Variants in FKBP10 observed in about 807,000 individuals in gnomAD.
FKBP10 encodes FKBP prolyl isomerase 10.
Under a neutral mutation model 53.7 loss-of-function variants are expected in FKBP10, and 34 were observed. The ratio of observed to expected loss-of-function variants is 0.63; its 90% CI spans 0.48 to 0.84. FKBP10 has a LOEUF of 0.84. Among genes scored for constraint, FKBP10 ranks in the 40% least tolerant of loss-of-function variants. FKBP10 has a pLI of 0.00. For missense variants in FKBP10, 748 were observed against 797.8 expected, an observed-to-expected ratio of 0.94 and a Z score of 0.75; for synonymous variants, 324 against 335.7, an observed-to-expected ratio of 0.97 and a Z score of 0.38.
chr17:41,822,336 C>T lies in FKBP10; in HGVS notation c.1677C>T (p.Asp559=), dbSNP rs781785645. ...DMFQNQDRNQ[D]GKITVDELKL... ...TCCAGAACCAGGACCGCAACCAGGA[C>T]GGCAAGATCACAGTCGACGAGCTCA... is the stretch of plus-strand genomic sequence containing the variant. Residue 559 remains aspartate (D), a synonymous_variant, in exon 10 of 10, where the codon GAC becomes GAT. Coordinates refer to ENST00000321562, the MANE Select transcript of FKBP10 (RefSeq NM_021939.4). 2.2e-5 allele frequency: 36 copies of T among 1,613,556 alleles called. No individual in the cohort carries two copies. Among genetic ancestry groups the T allele is most frequent in the South Asian group, 4.4e-5 (4 of 90,940 alleles).
chr17:41,817,048 C>T lies in FKBP10; in HGVS notation c.246-10C>T, dbSNP rs781939779. ...AGGTCACTGTATCCCATCTGTCCCT[C>T]CCCCCCCAGCTATGATCGCAACACC... On this transcript the variant is annotated splice_polypyrimidine_tract_variant and intron_variant, in intron 1 of 9. Transcript: ENST00000321562. 9.3e-6 allele frequency: 15 copies of T among 1,611,528 alleles called. No individual in the cohort carries two copies. In the South Asian group the frequency reaches 1.6e-4, roughly 18 times the overall value.
At chr17:41,818,581 G>T in intron 4 of FKBP10, 54 bp downstream of exon 4, 1 of 1,609,670 alleles carries the variant, frequency 6.2e-7, no homozygotes, top group Non-Finnish European at 8.5e-7. Context: ...GAAAAACCAG[G>T]CCTCCACATA....
rs2047874717 is a variant in FKBP10 at position 41,820,341 on chromosome 17, T to C, written c.1136T>C (p.Val379Ala). 1.9e-6 allele frequency: 3 copies of C among 1,614,182 alleles called. No homozygotes were observed. Among genetic ancestry groups the C allele is most frequent in the Non-Finnish European group, 2.5e-6 (3 of 1,180,030 alleles). Residue 379 changes from valine to alanine, a missense_variant, in exon 7 of 10, where the codon GTG becomes GCG. By Grantham distance (64) the Val-to-Ala change is moderately conservative. Coordinates refer to ENST00000321562, the MANE Select transcript of FKBP10 (RefSeq NM_021939.4). ...ATTGACTTCCACAACCCTGCGGATG[T>C]GGTGGAAATCAGGACACTGTCCCGG... ...HVIDFHNPAD[V>A]VEIRTLSRPS...
rs397514674 is a variant in FKBP10, at chr17:41,817,149, G to A, written c.337G>A (p.Glu113Lys). ...DRGLMGMCVN[E>K]RRRLIVPPHL... ...AGGCCTCATGGGCATGTGTGTCAAC[G>A]AGCGGCGACGCCTCATTGTGCCTCC... The change falls in exon 2 of 10, where the codon GAG becomes AAG. Residue 113 changes from glutamate (E) to lysine (K), a missense_variant. Glu to Lys is a moderately conservative substitution (Grantham distance 56). Transcript: ENST00000321562. 15 of 1,613,956 alleles carry A rather than the reference G, an allele frequency of 9.3e-6. No homozygotes were observed. Among genetic ancestry groups the A allele is most frequent in the Admixed American group, 1.7e-5 (1 of 60,000 alleles).
chr17:41,819,400 G>A lies in FKBP10; in HGVS notation c.917+1G>A. Reference sequence around the variant, plus strand: ...TGGACGGCACCCTCTTCGATTCCAGGTCAGGAGGGTCTTGAGGTGGGAGGG... The same window carrying A: ...TGGACGGCACCCTCTTCGATTCCAGATCAGGAGGGTCTTGAGGTGGGAGGG... On this transcript the variant is annotated splice_donor_variant, in intron 5 of 9. Coordinates refer to ENST00000321562, the MANE Select transcript of FKBP10 (RefSeq NM_021939.4). LOFTEE classifies it high-confidence loss of function. The A allele has an allele frequency of 6.2e-7, 1 of 1,605,052 alleles. No homozygotes were observed. Among genetic ancestry groups the A allele is most frequent in the Non-Finnish European group, 8.5e-7 (1 of 1,172,190 alleles).
Position 41,820,929 on chromosome 17 carries a change from G to T in FKBP10, c.1257-18G>T. 6.2e-7 allele frequency: 1 copy of T among 1,609,874 alleles called. No homozygotes were observed. The highest frequency in any genetic ancestry group is 8.5e-7 in the Non-Finnish European group (1 of 1,178,624). On this transcript the variant is annotated intron_variant, in intron 7 of 9. Transcript: ENST00000321562. ...GGGGACAGGGTGGCTGCTGACCTGGGCATCTGCTCTCCCCCAGGCATGACT... is the reference window on the plus strand; with the variant it reads ...GGGGACAGGGTGGCTGCTGACCTGGTCATCTGCTCTCCCCCAGGCATGACT...
intron 4 of FKBP10, 90 bp downstream of exon 4, chr17:41,818,617 G>A (rs561941749): frequency 2.2e-5 from 34 of 1,533,014 alleles, no homozygotes; most frequent in Middle Eastern, 1.8e-4. Context: ...TATACTGCAC[G>A]AGGGCATCCA....
Position 41,822,205 on chromosome 17 carries a change from G to T in FKBP10, c.1564-18G>T. 6.2e-7 allele frequency: 1 copy of T among 1,607,986 alleles called. No homozygotes were observed. Among genetic ancestry groups the T allele is most frequent in the Non-Finnish European group, 8.5e-7 (1 of 1,177,004 alleles). ...CATGACCCTCACTGCCCGCTCCCCC[G>T]GCTCTCCCCTGCCCCAGTTCTCCAC... On this transcript the variant is annotated intron_variant, in intron 9 of 9. Coordinates refer to ENST00000321562, the MANE Select transcript of FKBP10 (RefSeq NM_021939.4).
chr17:41,820,254 C>T lies in FKBP10; in HGVS notation c.1064-15C>T, dbSNP rs374530707. The T allele has an allele frequency of 6.8e-6, 11 of 1,613,898 alleles. No individual in the cohort carries two copies. The African/African-American group carries it at 1.2e-4, about 18-fold the overall frequency. ...AGTGCTCTGAGCTGACCACACTCCCCCATTCTGGCCTCAGGAGACAAGATC... is the reference window on the plus strand; with the variant it reads ...AGTGCTCTGAGCTGACCACACTCCCTCATTCTGGCCTCAGGAGACAAGATC... On this transcript the variant is annotated splice_polypyrimidine_tract_variant and intron_variant, in intron 6 of 9. Transcript: ENST00000321562.
Position 41,818,543 on chromosome 17 carries a change from G to C in FKBP10, c.727+16G>C. The C allele has an allele frequency of 6.2e-7, 1 of 1,613,992 alleles. No homozygotes were observed. Among genetic ancestry groups the C allele is most frequent in the Non-Finnish European group, 8.5e-7 (1 of 1,180,004 alleles). ...AAAGGCTATGGTGAGGGTGGGCAAGGACACAAGGGGAAATTCCGCAGAAGA... is the reference window on the plus strand; with the variant it reads ...AAAGGCTATGGTGAGGGTGGGCAAGCACACAAGGGGAAATTCCGCAGAAGA... On this transcript the variant is annotated intron_variant, in intron 4 of 9. Coordinates refer to ENST00000321562, the MANE Select transcript of FKBP10 (RefSeq NM_021939.4).
chr17:41,818,697 G>A (rs1431315513), intron 4 of FKBP10, among the ~76,000 whole-genome samples, 170 bp downstream of exon 4: 1 of 151,754 alleles, frequency 6.6e-6, no homozygotes, highest in African/African-American at 2.4e-5. Flanking sequence ...GCCGGGCGTG[G>A]TGGCTCACGC....
intron 5 of FKBP10, 45 bp downstream of exon 5, chr17:41,819,444 T>C (rs782169289): frequency 1.2e-6 from 2 of 1,613,482 alleles, no homozygotes; most frequent in Middle Eastern, 1.6e-4. Flanking sequence ...GGGTGAAACG[T>C]GGACGAAGCT....
chr17:41,820,180 G>A (rs1555616786), intron 6 of FKBP10, 89 bp from the exon 7 acceptor site: 1 of 1,431,994 alleles, frequency 7.0e-7, no homozygotes, highest in African/African-American at 1.4e-5. Flanking sequence ...GTCGGGAAGG[G>A]GTATCAGGTC....
At position 41,819,587 on chromosome 17, in the gene FKBP10, GA is replaced by G. The variant is rs869025223; in HGVS notation, c.976del (p.Met326TrpfsTer39). On this transcript the variant is annotated frameshift_variant, in exon 6 of 10. Coordinates refer to ENST00000321562, the MANE Select transcript of FKBP10 (RefSeq NM_021939.4). LOFTEE classifies it high-confidence loss of function. The stretch of plus-strand genomic sequence containing the variant: ...TCGGGCAGGGTTACATCATCCCCGG[GA>G]TGGACCAGGGGCTGCAGGGTGCCTG... Reference protein sequence around the residue: ...YIGQGYIIPGMDQGLQGACMG... With the variant: ...YIGQGYIIPGXDQGLQGACMG... The G allele has an allele frequency of 1.2e-6, 2 of 1,614,066 alleles. No homozygotes were observed. The highest frequency in any genetic ancestry group is 1.7e-6 in the Non-Finnish European group (2 of 1,179,992).
At chr17:41,815,390 C>A (rs935075989) in intron 1 of FKBP10, among the ~76,000 whole-genome samples, 4 of 152,056 alleles carry the variant, frequency 2.6e-5, no homozygotes, top group African/African-American at 4.8e-5. Context: ...AACTTCTGAG[C>A]TCAGGCAATC....
intron 1 of FKBP10, among the ~76,000 whole-genome samples, chr17:41,814,384 A>G (rs1555615839): frequency 6.6e-6 from 1 of 152,168 alleles, no homozygotes; most frequent in South Asian, 2.1e-4. Context: ...CCTACTTGCT[A>G]AGGCTGATGT....
intron 1 of FKBP10, among the ~76,000 whole-genome samples, chr17:41,816,092 C>T (rs1449144163): frequency 1.3e-5 from 2 of 151,540 alleles, no homozygotes; most frequent in African/African-American, 4.8e-5. Flanking sequence ...GAGCTGATTG[C>T]ACCACTGCAC....
chr17:41,820,280 C>T lies in FKBP10; in HGVS notation c.1075C>T (p.Pro359Ser). 6.2e-7 allele frequency: 1 copy of T among 1,614,160 alleles called. No individual in the cohort carries two copies. The highest frequency in any genetic ancestry group is 8.5e-7 in the Non-Finnish European group (1 of 1,180,024). The change falls in exon 7 of 10, where the codon CCT (proline) becomes TCT (serine). Residue 359 changes from proline to serine, a missense_variant. By Grantham distance (74) the Pro-to-Ser change is moderately conservative (BLOSUM62 -1). Coordinates refer to ENST00000321562, the MANE Select transcript of FKBP10 (RefSeq NM_021939.4). ...CATTCTGGCCTCAGGAGACAAGATC[C>T]CTGGCTCTGCCGTGCTAATCTTCAA... Reference protein sequence around the residue: ...YGENGTGDKIPGSAVLIFNVH... With the variant: ...YGENGTGDKISGSAVLIFNVH...
At position 41,817,159 on chromosome 17, in the gene FKBP10, G is replaced by C; in HGVS notation, c.347G>C (p.Arg116Pro). The change falls in exon 2 of 10, where the codon CGC becomes CCC. Residue 116 changes from arginine to proline, a missense_variant. Physicochemically the swap from Arg to Pro is moderately radical, Grantham distance 103. Transcript: ENST00000321562. ...LMGMCVNERR[R>P]LIVPPHLGYG... ...GGCATGTGTGTCAACGAGCGGCGAC[G>C]CCTCATTGTGCCTCCCCACCTGGGC... is the stretch of plus-strand genomic sequence containing the variant. 6.2e-7 allele frequency: 1 copy of C among 1,613,968 alleles called. No homozygotes were observed. Among genetic ancestry groups the C allele is most frequent in the Non-Finnish European group, 8.5e-7 (1 of 1,180,046 alleles).
Sources: allele counts gnomAD v4.1 joint callset (sites outside exome capture counted in the v4.1 genomes callset), GRCh38; gene constraint gnomAD v4.1.1; transcripts MANE v1.5; gene names NCBI Gene and HGNC (gene_info 2026-07-23, HGNC 2026-07-21).